The following RIT2 variants were observed in gnomAD, a reference collection of about 807,000 sequenced individuals.
The protein encoded by RIT2 is Ras like without CAAX 2.
A neutral mutation model predicts 23.7 loss-of-function variants in RIT2; 24 were observed. The observed-to-expected ratio is 1.01, with a 90% CI of 0.73 to 1.43. The LOEUF is 1.43. RIT2 is among the 40% of genes most tolerant of loss of function. RIT2 has a pLI of 0.00. For synonymous variants in RIT2, 107 were observed against 91.1 expected (o/e 1.17, Z -0.99); for missense variants, 236 against 266.9 (o/e 0.88, Z 0.81).
intron 4 of RIT2, among the ~76,000 whole-genome samples, chr18:42,782,241 A>G (rs965248143): frequency 1.3e-5 from 2 of 152,134 alleles, no homozygotes; most frequent in Non-Finnish European, 2.9e-5. Flanking sequence ...TTATAAAATT[A>G]ATAGTTAGAG....
At chr18:42,909,207 G>A (rs1244038579) in intron 4 of RIT2, among the ~76,000 whole-genome samples, 1 of 152,108 alleles carries the variant, frequency 6.6e-6, no homozygotes, top group Non-Finnish European at 1.5e-5. Flanking sequence ...TATTGTAAGT[G>A]AAATGACTCA....
chr18:42,825,780 G>C (rs950460308), intron 4 of RIT2, among the ~76,000 whole-genome samples: 10 of 151,750 alleles, frequency 6.6e-5, no homozygotes, highest in African/African-American at 2.2e-4. Flanking sequence ...AAATATATTA[G>C]GTCTGTTCAA....
intron 4 of RIT2, among the ~76,000 whole-genome samples, chr18:42,917,502 T>C (rs1183744231): frequency 6.6e-6 from 1 of 152,090 alleles, no homozygotes; most frequent in Non-Finnish European, 1.5e-5. Context: ...CAGCAAGCAC[T>C]ATCCCTTTCA....
intron 4 of RIT2, among the ~76,000 whole-genome samples, chr18:42,823,602 C>G (rs1321494583): frequency 6.6e-6 from 1 of 152,028 alleles, no homozygotes; most frequent in East Asian, 1.9e-4. Context: ...CTGTGGCTGG[C>G]AATTTATCCC....
At chr18:42,940,904 T>C (rs1200591480) in intron 3 of RIT2, among the ~76,000 whole-genome samples, 1 of 152,136 alleles carries the variant, frequency 6.6e-6, no homozygotes, top group African/African-American at 2.4e-5. Context: ...TGTTTTATGG[T>C]ACAAAATCTT....
At chr18:42,851,532 A>T (rs1199598778) in intron 4 of RIT2, among the ~76,000 whole-genome samples, 2 of 151,938 alleles carry the variant, frequency 1.3e-5, no homozygotes, top group Non-Finnish European at 2.9e-5. Flanking sequence ...ATGGTTTTCA[A>T]TTTTTTTTAA....
In RIT2 at chr18:43,100,043, G is replaced by T. The variant is rs557651336; in HGVS notation, c.103+15374C>A. Among the ~76,000 whole-genome samples the T allele has an allele frequency of 3.3e-5, 5 of 152,214 alleles. No homozygotes were observed. The South Asian group carries it at 1.0e-3, about 32-fold the overall frequency. ...GGGAGAATAAAACAGATATTCTAGT[G>T]TTGGGGAAGGCCAACAATAACTAGT... On this transcript the variant is annotated intron_variant, in intron 1 of 4. Transcript: ENST00000326695.
chr18:43,008,722 A>C (rs1435110611), intron 2 of RIT2, among the ~76,000 whole-genome samples: 2 of 151,656 alleles, frequency 1.3e-5, no homozygotes, highest in Non-Finnish European at 3.0e-5. Context: ...TGTGAGAAAC[A>C]TACTTGGGAT....
chr18:42,765,916 C>T (rs767352200), intron 4 of RIT2, among the ~76,000 whole-genome samples: 55 of 151,958 alleles, frequency 3.6e-4, no homozygotes, highest in Non-Finnish European at 7.5e-4. Flanking sequence ...GTGGGCTTAT[C>T]GGGGGTTCCA....
intron 3 of RIT2, among the ~76,000 whole-genome samples, chr18:42,940,348 CATT>C (rs529166066): frequency 2.7e-4 from 39 of 142,258 alleles, no homozygotes; most frequent in African/African-American, 8.7e-4. Flanking sequence ...TAGTAAATAA[CATT>C]ATTATGTATT....
At chr18:42,932,990 T>G (rs2144147155) in intron 3 of RIT2, among the ~76,000 whole-genome samples, 1 of 152,278 alleles carries the variant, frequency 6.6e-6, no homozygotes, top group South Asian at 2.1e-4. Context: ...AGGAATTAGG[T>G]TTGTGACACT....
At position 43,072,697 on chromosome 18, in the gene RIT2, G is replaced by T. The variant is rs532362908; in HGVS notation, c.104-38830C>A. ...TTCCACAAATCTTTACCTTCTTGCC[G>T]TCTGTACTCTGCATTTCATCTGCCT... On this transcript the variant is annotated intron_variant, in intron 1 of 4. Coordinates refer to ENST00000326695, the MANE Select transcript of RIT2 (RefSeq NM_002930.4). Among the ~76,000 whole-genome samples, 163 of 152,142 alleles carry T rather than the reference G, an allele frequency of 1.1e-3. 1 individual carries two copies. Among genetic ancestry groups the T allele is most frequent in the African/African-American group, 3.5e-3 (145 of 41,508 alleles).
intron 4 of RIT2, among the ~76,000 whole-genome samples, chr18:42,753,141 T>A (rs1213578965): frequency 1.3e-5 from 2 of 152,218 alleles, no homozygotes; most frequent in Admixed American, 6.5e-5. Flanking sequence ...GAGCCTGTTC[T>A]AGTCCAGCCC....
chr18:42,853,100 C>G (rs923817959), intron 4 of RIT2, among the ~76,000 whole-genome samples: 2 of 152,180 alleles, frequency 1.3e-5, no homozygotes, highest in African/African-American at 4.8e-5. Context: ...TCCCAAAGTG[C>G]TGGGATTACA....
chr18:43,061,565 A>G (rs1912645747), intron 1 of RIT2, among the ~76,000 whole-genome samples: 1 of 152,148 alleles, frequency 6.6e-6, no homozygotes, highest in African/African-American at 2.4e-5. Context: ...GATAGAGTCC[A>G]TGACCTGAGG....
intron 2 of RIT2, among the ~76,000 whole-genome samples, chr18:43,030,268 A>G (rs939749552): frequency 2.6e-5 from 4 of 152,186 alleles, no homozygotes; most frequent in South Asian, 4.1e-4. Context: ...TGAGGAAGCA[A>G]TATTTAAATT....
At chr18:42,873,796 G>C (rs996774555) in intron 4 of RIT2, among the ~76,000 whole-genome samples, 3 of 152,042 alleles carry the variant, frequency 2.0e-5, no homozygotes, top group Admixed American at 6.6e-5. Context: ...GGAAGGAGGG[G>C]ACAAATTTTC....
At chr18:42,923,867 A>G in intron 3 of RIT2, 104 bp from the exon 4 acceptor site, 1 of 918,984 alleles carries the variant, frequency 1.1e-6, no homozygotes, top group Non-Finnish European at 1.6e-6. Flanking sequence ...TAAACTATTA[A>G]GAATATTGAT....
intron 1 of RIT2, among the ~76,000 whole-genome samples, chr18:43,046,113 T>C (rs2144300748): frequency 6.6e-6 from 1 of 152,244 alleles, no homozygotes; most frequent in Non-Finnish European, 1.5e-5. Context: ...GCTGGAATGA[T>C]GGGACAAACC....
Sources: allele counts gnomAD v4.1 joint callset (sites outside exome capture counted in the v4.1 genomes callset), GRCh38; gene constraint gnomAD v4.1.1; transcripts MANE v1.5; gene names NCBI Gene and HGNC (gene_info 2026-07-23, HGNC 2026-07-21).